The following UNC5C variants were observed in gnomAD, a reference collection of about 807,000 sequenced individuals.
The protein encoded by UNC5C is netrin receptor UNC5C.
In UNC5C, 47 loss-of-function variants were observed where a neutral mutation model predicts 99.8. That is an observed-to-expected ratio of 0.47 (90% CI 0.37 to 0.60). The LOEUF (loss-of-function observed/expected upper bound fraction) is 0.60, where lower values mean the gene tolerates loss of function less well. Among genes scored for constraint, UNC5C ranks in the 20% least tolerant of loss-of-function variants. UNC5C has a pLI of 0.00. For synonymous variants in UNC5C, 487 were observed against 452.2 expected (o/e 1.08, Z -0.98); for missense variants, 1,062 against 1,165.9 (o/e 0.91, Z 1.30).
At chr4:95,311,084 T>C (rs1397690411) in intron 2 of UNC5C, among the ~76,000 whole-genome samples, 1 of 152,150 alleles carries the variant, frequency 6.6e-6, no homozygotes, top group East Asian at 1.9e-4. Flanking sequence ...ATGGTGGGTG[T>C]GCAAAATATT....
intron 3 of UNC5C, among the ~76,000 whole-genome samples, chr4:95,282,626 T>C (rs547578321): frequency 6.6e-6 from 1 of 152,282 alleles, no homozygotes; most frequent in South Asian, 2.1e-4. Context: ...CATGTAGAAA[T>C]ATGATTGGAC....
At chr4:95,474,572 G>A (rs1748079498) in intron 1 of UNC5C, among the ~76,000 whole-genome samples, 1 of 152,098 alleles carries the variant, frequency 6.6e-6, no homozygotes, top group African/African-American at 2.4e-5. Flanking sequence ...ACAGGTGTGA[G>A]CCACTGTGCC....
At chr4:95,429,200 T>G (rs1048811924) in intron 1 of UNC5C, among the ~76,000 whole-genome samples, 3 of 151,932 alleles carry the variant, frequency 2.0e-5, no homozygotes, top group Non-Finnish European at 4.4e-5. Context: ...TGAAACTGTC[T>G]TTAAAAACTA....
At chr4:95,361,953 TTATC>T in intron 1 of UNC5C, among the ~76,000 whole-genome samples, 1 of 148,236 alleles carries the variant, frequency 6.7e-6, no homozygotes, top group South Asian at 2.1e-4. Context: ...AAAAAACAGA[TTATC>T]TATTATCTAT....
chr4:95,389,703 A>G (rs1745303283), intron 1 of UNC5C, among the ~76,000 whole-genome samples: 1 of 152,150 alleles, frequency 6.6e-6, no homozygotes, highest in Non-Finnish European at 1.5e-5. Flanking sequence ...AATCAAATAC[A>G]GATCATGTAT....
At chr4:95,228,219 A>G (rs1738766850) in intron 7 of UNC5C, among the ~76,000 whole-genome samples, 2 of 152,196 alleles carry the variant, frequency 1.3e-5, no homozygotes, top group African/African-American at 4.8e-5. Context: ...CATTTCCCCA[A>G]TAAACAGCAA....
At chr4:95,281,071 A>G (rs6820369) in intron 3 of UNC5C, among the ~76,000 whole-genome samples, 33,259 of 152,122 alleles carry the variant, frequency 0.22, 6,828 homozygotes, top group African/African-American at 0.53. Context: ...TTCTTGACAA[A>G]GTATATCTTG....
In UNC5C at chr4:95,308,751, CAAAAAAAAAAAAAA is replaced by C. The variant is rs59626139; in HGVS notation, c.347-7016_347-7003del. Among the ~76,000 whole-genome samples, 6 of 34,396 alleles carry C rather than the reference CAAAAAAAAAAAAAA, an allele frequency of 1.7e-4. No homozygotes were observed. The East Asian group carries it at 3.0e-3, about 17-fold the overall frequency. 22.6% of individuals were successfully genotyped at this position (34,396 alleles called of 152,430 possible). ...TGGCTGACAGAGTGAGACTCTGTCT[CAAAAAAAAAAAAAA>C]AAAAAAAAAAAAAAAAAAGAACAAG... On this transcript the variant is annotated intron_variant, in intron 2 of 15. Coordinates refer to ENST00000453304, the MANE Select transcript of UNC5C (RefSeq NM_003728.4).
chr4:95,188,362 T>G (rs938327319), intron 12 of UNC5C, among the ~76,000 whole-genome samples: 1 of 152,090 alleles, frequency 6.6e-6, no homozygotes, highest in African/African-American at 2.4e-5. Flanking sequence ...AAAACCATGG[T>G]GTGAGTTAAA....
intron 1 of UNC5C, among the ~76,000 whole-genome samples, chr4:95,361,646 C>G (rs1346179959): frequency 2.0e-5 from 3 of 152,052 alleles, no homozygotes; most frequent in Admixed American, 2.0e-4. Context: ...ACATCCAAAT[C>G]AAAGCAAACA....
intron 3 of UNC5C, among the ~76,000 whole-genome samples, chr4:95,279,421 T>C (rs1223032285): frequency 6.6e-6 from 1 of 152,212 alleles, no homozygotes; most frequent in East Asian, 1.9e-4. Flanking sequence ...TTTGTCATTT[T>C]AAACACATCA....
intron 1 of UNC5C, among the ~76,000 whole-genome samples, chr4:95,511,879 A>G (rs982061589): frequency 6.6e-6 from 1 of 152,196 alleles, no homozygotes; most frequent in Non-Finnish European, 1.5e-5. Context: ...AAGTTGGGGA[A>G]GGGGCTACAT....
At chr4:95,407,232 C>T (rs1458689322) in intron 1 of UNC5C, among the ~76,000 whole-genome samples, 1 of 152,024 alleles carries the variant, frequency 6.6e-6, no homozygotes, top group Non-Finnish European at 1.5e-5. Flanking sequence ...TATCGATTGA[C>T]TATATGAAGA....
chr4:95,188,046 A>G (rs1736905406), intron 12 of UNC5C, among the ~76,000 whole-genome samples: 1 of 152,230 alleles, frequency 6.6e-6, no homozygotes, highest in African/African-American at 2.4e-5. Context: ...ATTATAAAAT[A>G]TACATAAAAT....
chr4:95,318,482 T>A (rs1276077179), intron 2 of UNC5C, among the ~76,000 whole-genome samples: 1 of 152,184 alleles, frequency 6.6e-6, no homozygotes, highest in East Asian at 1.9e-4. Context: ...TTACTGTCCA[T>A]TCAAAGCCTG....
intron 1 of UNC5C, among the ~76,000 whole-genome samples, chr4:95,429,293 A>C (rs1746569215): frequency 7.3e-6 from 1 of 136,632 alleles, no homozygotes; most frequent in African/African-American, 2.5e-5. Flanking sequence ...AAAAAAAAAA[A>C]AAAACAAACA....
intron 1 of UNC5C, among the ~76,000 whole-genome samples, chr4:95,451,801 G>A (rs906780799): frequency 3.9e-5 from 6 of 152,064 alleles, no homozygotes; most frequent in Non-Finnish European, 2.9e-5. Flanking sequence ...TATAACAAAT[G>A]AGATAAATGT....
intron 1 of UNC5C, among the ~76,000 whole-genome samples, chr4:95,543,175 G>A (rs539316347): frequency 2.0e-4 from 31 of 152,114 alleles, no homozygotes; most frequent in Middle Eastern, 6.8e-3. Flanking sequence ...AACCAAAGAA[G>A]CATCCATACA....
chr4:95,433,541 A>G (rs566831449), intron 1 of UNC5C, among the ~76,000 whole-genome samples: 1 of 152,156 alleles, frequency 6.6e-6, no homozygotes, highest in Admixed American at 6.5e-5. Flanking sequence ...TAGTTTCATC[A>G]TACTTCTATA....
Sources: allele counts gnomAD v4.1 joint callset (sites outside exome capture counted in the v4.1 genomes callset), GRCh38; gene constraint gnomAD v4.1.1; transcripts MANE v1.5; gene names NCBI Gene and HGNC (gene_info 2026-07-23, HGNC 2026-07-21).